The following REEP5 variants were observed in gnomAD, a reference collection of about 807,000 sequenced individuals.
The protein encoded by REEP5 is receptor accessory protein 5.
In REEP5, 24 loss-of-function variants were observed where a neutral mutation model predicts 22.4. The ratio of observed to expected loss-of-function variants is 1.07; its 90% CI spans 0.78 to 1.51. The LOEUF is 1.51. REEP5 is among the 40% of genes most tolerant of loss of function. The pLI is 0.00. For missense variants in REEP5, 252 were observed against 233.0 expected (o/e 1.08, Z -0.53); for synonymous variants, 103 against 88.6 (o/e 1.16, Z -0.92).
chr5:112,890,347 A>G (rs977045063), intron 3 of REEP5, among the ~76,000 whole-genome samples: 2 of 146,862 alleles, frequency 1.4e-5, no homozygotes, highest in Non-Finnish European at 2.9e-5. Context: ...AGAATACAGA[A>G]TAAAGAACAC....
intron 2 of REEP5, among the ~76,000 whole-genome samples, chr5:112,914,256 G>T (rs1769183263): frequency 6.6e-6 from 1 of 150,990 alleles, no homozygotes; most frequent in Admixed American, 6.6e-5. Context: ...CCAAGTGTGT[G>T]TGTGTTTTTT....
chr5:112,900,052 AT>A (rs1196537874), intron 3 of REEP5, among the ~76,000 whole-genome samples: 2 of 152,202 alleles, frequency 1.3e-5, no homozygotes, highest in Non-Finnish European at 2.9e-5. Flanking sequence ...AATCTTTAAA[AT>A]ATCTGCCAGT....
intron 2 of REEP5, 106 bp downstream of exon 2, chr5:112,921,057 A>G (rs1769345432): frequency 9.0e-7 from 1 of 1,105,618 alleles, no homozygotes; most frequent in Admixed American, 2.1e-5. Context: ...CTCCCCGCCG[A>G]GCTTTCACTT....
intron 2 of REEP5, among the ~76,000 whole-genome samples, chr5:112,919,552 A>G (rs1354643077): frequency 6.6e-6 from 1 of 152,100 alleles, no homozygotes; most frequent in Non-Finnish European, 1.5e-5. Context: ...GGCAATATAG[A>G]GCGAGACTCT....
intron 3 of REEP5, among the ~76,000 whole-genome samples, chr5:112,900,998 A>G (rs1284818687): frequency 1.3e-5 from 2 of 151,770 alleles, no homozygotes; most frequent in African/African-American, 4.8e-5. Flanking sequence ...TGCCACACCC[A>G]GCTAATTTCG....
chr5:112,921,055 C>G (rs1769345306), intron 2 of REEP5, 108 bp downstream of exon 2: 1 of 1,093,208 alleles, frequency 9.1e-7, no homozygotes, highest in African/African-American at 1.5e-5. Flanking sequence ...CCCTCCCCGC[C>G]GAGCTTTCAC....
chr5:112,903,259 T>G (rs1434111140), intron 2 of REEP5, among the ~76,000 whole-genome samples: 1 of 152,244 alleles, frequency 6.6e-6, no homozygotes, highest in Admixed American at 6.5e-5. Context: ...CAATTTCTTA[T>G]CCTAACAGAT....
At chr5:112,920,080 C>G (rs1769319969) in intron 2 of REEP5, among the ~76,000 whole-genome samples, 2 of 152,138 alleles carry the variant, frequency 1.3e-5, no homozygotes, top group South Asian at 2.1e-4. Flanking sequence ...TAAAGCAGAG[C>G]CCGGGGTAGG....
chr5:112,878,642 A>AACTT lies in REEP5; in HGVS notation c.*140_*143dup, dbSNP rs371806984. The AACTT allele has an allele frequency of 6.7e-4, 813 of 1,208,900 alleles. 11 individuals carry two copies. In the African/African-American group the frequency reaches 0.011, roughly 16 times the overall value. The allele number at this position is 1,208,900 out of a possible 1,614,324, so 74.9% of individuals were successfully genotyped here. Reference sequence around the variant, plus strand: ...TATAGACAGTAAAAGTAAGCAAAGAAACTTACAACACATTCCAATCTTTAA... The same window carrying AACTT: ...TATAGACAGTAAAAGTAAGCAAAGAAACTTACTTACAACACATTCCAATCTTTAA... On this transcript the variant is annotated 3_prime_UTR_variant, in exon 5 of 5. Transcript: ENST00000379638.
chr5:112,891,777 A>G (rs747190782), intron 3 of REEP5: 61 of 1,612,026 alleles, frequency 3.8e-5, no homozygotes, highest in Non-Finnish European at 5.1e-5. Context: ...TGAGAGACTC[A>G]GGACTCTCAC....
intron 2 of REEP5, among the ~76,000 whole-genome samples, chr5:112,914,119 G>A (rs369092321): frequency 1.8e-4 from 28 of 151,580 alleles, no homozygotes; most frequent in African/African-American, 5.6e-4. Flanking sequence ...CTCAGCCTGG[G>A]TGACAGAGTG....
chr5:112,906,203 A>T (rs1201029084), intron 2 of REEP5, among the ~76,000 whole-genome samples: 1 of 152,220 alleles, frequency 6.6e-6, no homozygotes, highest in Non-Finnish European at 1.5e-5. Flanking sequence ...CATGTAGGAT[A>T]GGTATTGTTC....
intron 3 of REEP5, chr5:112,893,268 G>A (rs1423655421): frequency 3.7e-6 from 1 of 273,480 alleles, no homozygotes; most frequent in South Asian, 4.2e-5. Flanking sequence ...AAATTAGCCA[G>A]GTGTGGTGGC....
At chr5:112,902,577 A>C (rs886720262) in intron 2 of REEP5, 59 bp from the exon 3 acceptor site, 2 of 1,471,474 alleles carry the variant, frequency 1.4e-6, no homozygotes, top group Non-Finnish European at 1.8e-6. Context: ...AAAGATTTTC[A>C]AATACACTTT....
chr5:112,887,096 T>C lies in REEP5; in HGVS notation c.439A>G (p.Lys147Glu), dbSNP rs1486292875. 1.2e-6 allele frequency: 2 copies of C among 1,613,620 alleles called. No homozygotes were observed. Among genetic ancestry groups the C allele is most frequent in the Non-Finnish European group, 1.7e-6 (2 of 1,179,926 alleles). Residue 147 changes from lysine to glutamate, a missense_variant, in exon 4 of 5, where the codon AAG (lysine) becomes GAG (glutamate). Transcript: ENST00000379638. ...YKRIIRPFFL[K>E]HESQMDSVVK... Reference sequence around the variant, plus strand: ...ACACTGTCCATCTGGGACTCGTGCTTCAGGAAGAAAGGACGGATGATGCGC... The same window carrying C: ...ACACTGTCCATCTGGGACTCGTGCTCCAGGAAGAAAGGACGGATGATGCGC...
At chr5:112,891,574 T>C in intron 3 of REEP5, 1 of 1,551,690 alleles carries the variant, frequency 6.4e-7, no homozygotes, top group Non-Finnish European at 8.7e-7. Context: ...GTGGCAGCTA[T>C]GAACAAAATC....
At chr5:112,881,053 T>A (rs1768058804) in intron 4 of REEP5, among the ~76,000 whole-genome samples, 1 of 134,312 alleles carries the variant, frequency 7.4e-6, no homozygotes, top group African/African-American at 3.0e-5. Context: ...CCCTTGAACC[T>A]GGAAGGTGGA....
intron 4 of REEP5, among the ~76,000 whole-genome samples, chr5:112,879,246 ATATT>A (rs1267301595): frequency 6.8e-6 from 1 of 146,632 alleles, no homozygotes; most frequent in Non-Finnish European, 1.5e-5. Context: ...CTAGGTCATC[ATATT>A]TATCCCATGG....
At chr5:112,901,738 G>C (rs987223526) in intron 3 of REEP5, among the ~76,000 whole-genome samples, 1 of 150,374 alleles carries the variant, frequency 6.7e-6, no homozygotes, top group Non-Finnish European at 1.5e-5. Context: ...AGGTCAGATT[G>C]AGAAATCTCC....
Sources: allele counts gnomAD v4.1 joint callset (sites outside exome capture counted in the v4.1 genomes callset), GRCh38; gene constraint gnomAD v4.1.1; transcripts MANE v1.5; gene names NCBI Gene and HGNC (gene_info 2026-07-23, HGNC 2026-07-21).